The following LARGE1 variants were observed in gnomAD, a reference collection of about 807,000 sequenced individuals.
LARGE1 encodes the protein xylosyl- and glucuronyltransferase LARGE1.
A neutral mutation model predicts 87.6 loss-of-function variants in LARGE1; 43 were observed. The ratio of observed to expected loss-of-function variants is 0.49; its 90% CI spans 0.38 to 0.63. The LOEUF is 0.63. LARGE1 is among the 30% of genes least tolerant of loss of function. LARGE1 has a pLI of 0.00. For synonymous variants in LARGE1, 434 were observed against 394.6 expected, an observed-to-expected ratio of 1.10 and a Z score of -1.18; for missense variants, 802 against 1,000.2, an observed-to-expected ratio of 0.80 and a Z score of 2.67.
At chr22:33,278,531 G>C (rs577568566) in intron 13 of LARGE1, among the ~76,000 whole-genome samples, 123 of 150,322 alleles carry the variant, frequency 8.2e-4, no homozygotes, top group African/African-American at 3.1e-3. Context: ...TGTGTACTGG[G>C]ACTATTTTAA....
intron 4 of LARGE1, among the ~76,000 whole-genome samples, chr22:33,610,676 G>C (rs1021661626): frequency 6.6e-6 from 1 of 152,194 alleles, no homozygotes; most frequent in Non-Finnish European, 1.5e-5. Context: ...CAACTTGCTA[G>C]AGATATTAGC....
chr22:33,454,840 C>G (rs952878908), intron 6 of LARGE1, among the ~76,000 whole-genome samples: 2 of 152,080 alleles, frequency 1.3e-5, no homozygotes, highest in Middle Eastern at 3.4e-3. Flanking sequence ...CTCGAGAGAA[C>G]TCTATCATGA....
At chr22:33,428,618 C>T (rs2066963557) in intron 7 of LARGE1, among the ~76,000 whole-genome samples, 1 of 80,000 alleles carries the variant, frequency 1.3e-5, no homozygotes, top group African/African-American at 8.0e-5. Context: ...TGGCCTTGTC[C>T]TATCTTAAAA....
At chr22:33,518,552 G>A (rs1041671526) in intron 6 of LARGE1, among the ~76,000 whole-genome samples, 3 of 152,176 alleles carry the variant, frequency 2.0e-5, no homozygotes, top group African/African-American at 4.8e-5. Context: ...CAGGTGTTGC[G>A]CTGGCCTCGG....
intron 1 of LARGE1, among the ~76,000 whole-genome samples, chr22:33,879,727 C>G (rs1208695307): frequency 2.0e-5 from 3 of 152,178 alleles, no homozygotes; most frequent in African/African-American, 7.2e-5. Context: ...CACCATCTAT[C>G]CTGTACTCGC....
intron 9 of LARGE1, among the ~76,000 whole-genome samples, chr22:33,353,117 T>A (rs1006515416): frequency 6.6e-6 from 1 of 152,222 alleles, no homozygotes; most frequent in Admixed American, 6.5e-5. Flanking sequence ...CCACTATCAT[T>A]CAGGAAGAAC....
At chr22:33,423,196 C>T (rs12158837) in intron 7 of LARGE1, among the ~76,000 whole-genome samples, 6 of 152,186 alleles carry the variant, frequency 3.9e-5, no homozygotes, top group African/African-American at 7.2e-5. Flanking sequence ...ATTCAGCACT[C>T]GTAGGCGTCA....
intron 13 of LARGE1, among the ~76,000 whole-genome samples, chr22:33,278,559 A>T (rs202147684): frequency 0.075 from 8,928 of 118,266 alleles, 422 homozygotes; most frequent in African/African-American, 0.22. Context: ...TCTCTCACAC[A>T]CACACACACA....
intron 2 of LARGE1, among the ~76,000 whole-genome samples, chr22:33,687,243 C>T (rs61337184): frequency 0.018 from 2,687 of 151,534 alleles, 92 homozygotes; most frequent in African/African-American, 0.062. Flanking sequence ...AATCCTCCTG[C>T]CTTGGCCTCT....
intron 6 of LARGE1, among the ~76,000 whole-genome samples, chr22:33,446,317 A>G (rs1260103339): frequency 2.6e-5 from 4 of 152,184 alleles, no homozygotes; most frequent in East Asian, 3.9e-4. Context: ...CCTGCAACAG[A>G]AAGTAAAACA....
At chr22:33,097,422 C>T in the LARGE1 span, among the ~76,000 whole-genome samples, 1 of 152,190 alleles carries the variant, frequency 6.6e-6, no homozygotes, top group Non-Finnish European at 1.5e-5. Flanking sequence ...ATGTTAAGTA[C>T]TTCACCAATT....
At chr22:33,200,073 T>C (rs1055618830) in intron 11 of LARGE1, among the ~76,000 whole-genome samples, 3 of 152,044 alleles carry the variant, frequency 2.0e-5, no homozygotes, top group Admixed American at 6.6e-5. Context: ...GATCTTGAAC[T>C]CCTGACTTCG....
At position 33,787,756 on chromosome 22, in the gene LARGE1, T is replaced by C. The variant is rs7285015; in HGVS notation, c.-82-26198A>G. Among the ~76,000 whole-genome samples the C allele has an allele frequency of 7.5e-3, 1,142 of 152,326 alleles. 13 individuals are homozygous for C. The highest frequency in any genetic ancestry group is 0.027 in the African/African-American group (1,107 of 41,586). ...CAGGCAAGCCTCAATACACTGTTAG[T>C]GTGTCCTTACAGCCCTTCAACACTT... On this transcript the variant is annotated intron_variant, in intron 1 of 14. Coordinates refer to ENST00000397394, the MANE Select transcript of LARGE1 (RefSeq NM_133642.5).
chr22:33,360,995 T>C lies in LARGE1; in HGVS notation c.1131+20924A>G, dbSNP rs565420279. Among the ~76,000 whole-genome samples the C allele has an allele frequency of 1.9e-4, 28 of 149,080 alleles. 2 individuals carry two copies. Among genetic ancestry groups the C allele is most frequent in the Non-Finnish European group, 4.0e-4 (27 of 66,974 alleles). On this transcript the variant is annotated intron_variant, in intron 9 of 14. Transcript: ENST00000397394. ...ACTTTGGGAGGCCGAGGCGGGTGGA[T>C]CACGAGGTCGGGAGTTCAAGACAAG...
At chr22:33,717,428 T>C (rs1336866106) in intron 2 of LARGE1, among the ~76,000 whole-genome samples, 1 of 152,214 alleles carries the variant, frequency 6.6e-6, no homozygotes, top group African/African-American at 2.4e-5. Context: ...GCTTTTTCTT[T>C]TCTTTTCCAG....
At chr22:33,795,200 A>G (rs2085942105) in intron 1 of LARGE1, among the ~76,000 whole-genome samples, 1 of 152,254 alleles carries the variant, frequency 6.6e-6, no homozygotes, top group African/African-American at 2.4e-5. Flanking sequence ...AGTAGGATAA[A>G]TACAGTAACA....
At chr22:33,092,986 C>A in the LARGE1 span, among the ~76,000 whole-genome samples, 1 of 152,148 alleles carries the variant, frequency 6.6e-6, no homozygotes, top group Non-Finnish European at 1.5e-5. Flanking sequence ...TGGGTATATA[C>A]TCAGTAATGG....
the LARGE1 span, among the ~76,000 whole-genome samples, chr22:33,103,466 G>C: frequency 1.4e-5 from 2 of 147,304 alleles, no homozygotes; most frequent in Admixed American, 6.8e-5. Context: ...AAAAAGGGAG[G>C]TCATTCAAGG....
intron 2 of LARGE1, among the ~76,000 whole-genome samples, chr22:33,683,330 C>T (rs1245290699): frequency 6.6e-6 from 1 of 152,208 alleles, no homozygotes; most frequent in Non-Finnish European, 1.5e-5. Context: ...AGCTGGGACA[C>T]TGGTCTTTTC....
Sources: allele counts gnomAD v4.1 joint callset (sites outside exome capture counted in the v4.1 genomes callset), GRCh38; gene constraint gnomAD v4.1.1; transcripts MANE v1.5; gene names NCBI Gene and HGNC (gene_info 2026-07-23, HGNC 2026-07-21).